LIPA: variants seen among roughly 807,000 people sequenced by gnomAD.
LIPA encodes the protein lysosomal acid lipase/cholesteryl ester hydrolase.
A neutral mutation model predicts 40.6 loss-of-function variants in LIPA; 26 were observed. The observed-to-expected ratio is 0.64, with a 90% CI of 0.47 to 0.89. LIPA has a LOEUF of 0.89. LIPA is among the 40% of genes least tolerant of loss of function. The pLI, the probability that LIPA is intolerant of heterozygous loss-of-function variation, is 0.00. For missense variants in LIPA, 455 were observed against 479.6 expected, an observed-to-expected ratio of 0.95 and a Z score of 0.48; for synonymous variants, 188 against 168.4, an observed-to-expected ratio of 1.12 and a Z score of -0.90.
intron 1 of LIPA, among the ~76,000 whole-genome samples, chr10:89,265,696 C>G (rs1158280537): frequency 4.6e-5 from 7 of 152,150 alleles, no homozygotes; most frequent in Admixed American, 4.6e-4. Context: ...AAGATGTTGT[C>G]CATGGTGCTT....
At chr10:89,378,247 C>A in intron 2 of LIPA, 1 of 1,127,918 alleles carries the variant, frequency 8.9e-7, no homozygotes, top group Non-Finnish European at 1.3e-6. Context: ...GGGAGCTGTC[C>A]CACTGGTGGT....
At chr10:89,310,924 G>A (rs939734299) in intron 1 of LIPA, among the ~76,000 whole-genome samples, 2 of 152,182 alleles carry the variant, frequency 1.3e-5, no homozygotes, top group African/African-American at 4.8e-5. Flanking sequence ...TGTTATTTCT[G>A]AGTAAAATGT....
chr10:89,339,585 A>G (rs1304240344), intron 1 of LIPA: 1 of 1,614,194 alleles, frequency 6.2e-7, no homozygotes, highest in Admixed American at 1.7e-5. Flanking sequence ...TTGAAGCACT[A>G]AAGCAATATG....
At chr10:89,387,596 G>C (rs962301198) in intron 2 of LIPA, among the ~76,000 whole-genome samples, 7 of 151,848 alleles carry the variant, frequency 4.6e-5, no homozygotes, top group Non-Finnish European at 7.4e-5. Context: ...AAAAGGAAAG[G>C]GACAGCAATA....
chr10:89,263,311 G>T (rs141195288), intron 1 of LIPA, among the ~76,000 whole-genome samples: 13 of 152,306 alleles, frequency 8.5e-5, no homozygotes, highest in African/African-American at 3.1e-4. Flanking sequence ...AACAAGAGAA[G>T]GTTGTGTTAG....
intron 3 of LIPA, among the ~76,000 whole-genome samples, chr10:89,230,547 C>A (rs1842827152): frequency 6.6e-6 from 1 of 152,116 alleles, no homozygotes; most frequent in Non-Finnish European, 1.5e-5. Flanking sequence ...CTCAAGCGAT[C>A]CACCCACCTC....
chr10:89,383,183 A>G (rs2133604046), intron 2 of LIPA: 3 of 739,838 alleles, frequency 4.1e-6, no homozygotes, highest in African/African-American at 1.8e-5. Context: ...ACATGACTGT[A>G]GAACCCAGAG....
intron 6 of LIPA, 144 bp downstream of exon 6, chr10:89,224,948 G>A: frequency 9.2e-7 from 1 of 1,091,232 alleles, no homozygotes; most frequent in Non-Finnish European, 1.4e-6. Context: ...GGAAGGAGGG[G>A]TAAACGGAAA....
intron 2 of LIPA, among the ~76,000 whole-genome samples, chr10:89,388,353 A>G (rs1007872027): frequency 6.6e-6 from 1 of 152,160 alleles, no homozygotes; most frequent in Non-Finnish European, 1.5e-5. Flanking sequence ...TGATCCGCCC[A>G]TCTTGGCCTC....
rs187913867 is a variant in LIPA at position 89,274,693 on chromosome 10, C to A, written c.-1-27044G>T. Among the ~76,000 whole-genome samples the A allele has an allele frequency of 2.0e-5, 3 of 152,266 alleles. No individual in the cohort carries two copies. In the East Asian group the frequency reaches 5.8e-4, roughly 29 times the overall value. ...CAGGTTGAGAGGAATTTTCCCTAAT[C>A]CTTGAACAATGACAAGAGACTAGGG... is the stretch of plus-strand genomic sequence containing the variant. On this transcript the variant is annotated intron_variant, in intron 1 of 5. Transcript: ENST00000282673.
intron 1 of LIPA, among the ~76,000 whole-genome samples, chr10:89,272,879 C>T (rs1843272615): frequency 6.6e-6 from 1 of 152,216 alleles, no homozygotes; most frequent in Admixed American, 6.5e-5. Context: ...TGATTGTTGT[C>T]TGCATGTATG....
At chr10:89,274,063 A>G (rs977211660) in intron 1 of LIPA, among the ~76,000 whole-genome samples, 3 of 152,242 alleles carry the variant, frequency 2.0e-5, no homozygotes, top group African/African-American at 7.2e-5. Context: ...AGCATTATAG[A>G]CATAAGTCAC....
At chr10:89,366,821 C>G (rs932332440) in intron 2 of LIPA, among the ~76,000 whole-genome samples, 1 of 152,206 alleles carries the variant, frequency 6.6e-6, no homozygotes, top group Admixed American at 6.5e-5. Flanking sequence ...CATCCCATTA[C>G]TGGGTATATA....
At chr10:89,401,789 TGA>T (rs924687216) in intron 2 of LIPA, among the ~76,000 whole-genome samples, 7 of 48,682 alleles carry the variant, frequency 1.4e-4, no homozygotes, top group African/African-American at 1.4e-3. Flanking sequence ...AAAAAAAAAA[TGA>T]AAAAAAAAAA....
intron 3 of LIPA, among the ~76,000 whole-genome samples, chr10:89,230,266 T>C (rs1842823955): frequency 6.6e-6 from 1 of 152,156 alleles, no homozygotes; most frequent in South Asian, 2.1e-4. Flanking sequence ...AGTACCTCCA[T>C]GGAGCTGACA....
At chr10:89,413,028 GC>G (rs1841488189) in intron 1 of LIPA, 1 of 173,810 alleles carries the variant, frequency 5.8e-6, no homozygotes, top group African/African-American at 2.4e-5. Flanking sequence ...ACTCCAACAA[GC>G]CCCAGTGTGT....
chr10:89,303,951 T>C (rs1004054475), intron 1 of LIPA, among the ~76,000 whole-genome samples: 2 of 152,150 alleles, frequency 1.3e-5, no homozygotes, highest in Admixed American at 1.3e-4. Context: ...GTGACTGAGA[T>C]GCACATGGAG....
intron 1 of LIPA, among the ~76,000 whole-genome samples, chr10:89,248,966 T>G (rs1265991079): frequency 6.6e-6 from 1 of 152,234 alleles, no homozygotes; most frequent in Non-Finnish European, 1.5e-5. Context: ...ACAAAATTTC[T>G]GAGCTTGCTT....
At chr10:89,331,830 G>C (rs1843654690) in intron 1 of LIPA, among the ~76,000 whole-genome samples, 1 of 140,328 alleles carries the variant, frequency 7.1e-6, no homozygotes, top group Non-Finnish European at 1.5e-5. Context: ...CTGCACTCCA[G>C]CCTGGATGAC....
Sources: gnomAD v4.1 joint callset for allele counts (sites outside exome capture counted in the v4.1 genomes callset) on GRCh38, gnomAD v4.1.1 for gene constraint, MANE v1.5 for transcripts, NCBI Gene and HGNC (gene_info 2026-07-23, HGNC 2026-07-21) for gene names.